Variants in PCM1 observed in about 807,000 individuals in gnomAD.
PCM1 encodes the protein pericentriolar material 1.
Under a neutral mutation model 241.9 loss-of-function variants are expected in PCM1, and 157 were observed. That is an observed-to-expected ratio of 0.65 (90% confidence interval 0.57 to 0.74). The LOEUF (loss-of-function observed/expected upper bound fraction) is 0.74. Among genes scored for constraint, PCM1 ranks in the 30% least tolerant of loss-of-function variants. The probability of loss-of-function intolerance (pLI) is 0.00; values close to 1 mark genes in which losing one functional copy is unlikely to be tolerated. For missense variants in PCM1, 3,478 were observed against 2,360.1 expected (o/e 1.47, Z -9.81); for synonymous variants, 1,085 against 784.9 (o/e 1.38, Z -6.39).
intron 2 of PCM1, chr8:17,927,014 A>G (rs959529556): frequency 6.6e-6 from 1 of 152,166 alleles, no homozygotes; most frequent in Non-Finnish European, 1.5e-5. Flanking sequence ...ACCATGCGCC[A>G]GTTACTGTCA....
chr8:18,026,984 G>T (rs1343064575), intron 38 of PCM1, among the ~76,000 whole-genome samples: 1 of 152,110 alleles, frequency 6.6e-6, no homozygotes, highest in African/African-American at 2.4e-5. Context: ...GATAGTCTCA[G>T]ATTTTCTGTA....
At chr8:17,983,338 A>G (rs1038152696) in intron 24 of PCM1, 3 of 1,157,072 alleles carry the variant, frequency 2.6e-6, no homozygotes, top group African/African-American at 1.6e-5. Flanking sequence ...ATTTTTTCCC[A>G]TTGGTCCTAA....
Position 18,010,650 on chromosome 8 carries a change from G to C in PCM1, c.5202G>C (p.Glu1734Asp). 1.2e-6 allele frequency: 2 copies of C among 1,602,216 alleles called. No individual in the cohort carries two copies. Among genetic ancestry groups the C allele is most frequent in the African/African-American group, 1.3e-5 (1 of 74,300 alleles). The change falls in exon 32 of 39, where the codon GAG (glutamate) becomes GAC (aspartate). Residue 1734 changes from glutamate to aspartate, a missense_variant. Physicochemically the swap from Glu to Asp is conservative, Grantham distance 45. Transcript: ENST00000325083. ...ILEDHGSPAG[E>D]IDDEDKDKDE... ...AAGATCATGGCTCACCTGCTGGAGA[G>C]ATTGATGATGAAGACAAAGTATGTG... is the stretch of plus-strand genomic sequence containing the variant.
Position 17,935,647 on chromosome 8 carries a change from A to G in PCM1, c.37A>G (p.Asn13Asp). Reference protein sequence around the residue: ...TGGGPFEDGMNDQDLPNWSNE... With the variant: ...TGGGPFEDGMDDQDLPNWSNE... ...AGGAGGTCCCTTTGAAGATGGCATG[A>G]ATGATCAGGATTTACCAAACTGGAG... The change falls in exon 3 of 39, where the codon AAT becomes GAT. Residue 13 changes from asparagine (N) to aspartate (D), a missense_variant. Transcript: ENST00000325083. 1 of 1,568,006 alleles carries G rather than the reference A, an allele frequency of 6.4e-7. No homozygotes were observed. The highest frequency in any genetic ancestry group is 8.8e-7 in the Non-Finnish European group (1 of 1,138,300).
chr8:18,017,193 T>G (rs940255878), intron 36 of PCM1, among the ~76,000 whole-genome samples: 35 of 152,154 alleles, frequency 2.3e-4, no homozygotes, highest in Admixed American at 2.3e-3. Flanking sequence ...CACAAAAGAT[T>G]GACTAGTCCA....
intron 6 of PCM1, chr8:17,940,180 A>C (rs947547789): frequency 1.6e-6 from 2 of 1,213,838 alleles, no homozygotes; most frequent in Non-Finnish European, 2.3e-6. Flanking sequence ...TTTGGTAATT[A>C]AAGTGCTGGA....
Position 18,029,339 on chromosome 8 carries a change from C to G in PCM1, c.*1677C>G. On this transcript the variant is annotated 3_prime_UTR_variant, in exon 39 of 39. Coordinates refer to ENST00000325083, the MANE Select transcript of PCM1 (RefSeq NM_006197.4). ...TTCAGAAAATTACCAATTCAGAATT[C>G]GGAGTTCTTATCCAGGTGCTCTAAC... The G allele has an allele frequency of 4.7e-6, 1 of 210,710 alleles. No homozygotes were observed. 13.1% of individuals were successfully genotyped at this position (210,710 alleles called of 1,614,324 possible). A position where few individuals can be genotyped will look rare whatever the true frequency, so the allele number is the denominator to read the frequency against.
At chr8:17,993,738 AC>A in intron 29 of PCM1, 119 bp downstream of exon 29, 1 of 817,864 alleles carries the variant, frequency 1.2e-6, no homozygotes, top group Non-Finnish European at 1.8e-6. Flanking sequence ...AAAAACTATC[AC>A]CCATAATTTT....
rs1338126157 is a variant in PCM1 at position 17,955,330 on chromosome 8, A to G, written c.1289-140A>G. 1.3e-5 allele frequency: 8 copies of G among 597,638 alleles called. No individual in the cohort carries two copies. In the South Asian group the frequency reaches 1.7e-4, roughly 13 times the overall value. 37.0% of individuals were successfully genotyped at this position (597,638 alleles called of 1,614,324 possible). ...GTTTAATTGTGGAGTAAGTTAATAA[A>G]CAATTTTCTGAAATTTAAATCTGCA... On this transcript the variant is annotated intron_variant, in intron 9 of 38. Coordinates refer to ENST00000325083, the MANE Select transcript of PCM1 (RefSeq NM_006197.4).
chr8:17,948,294 C>CT (rs550672840), intron 7 of PCM1, among the ~76,000 whole-genome samples: 1,533 of 64,008 alleles, frequency 0.024, 167 homozygotes, highest in South Asian at 0.036. Context: ...CAAATAACCT[C>CT]TTTTTTTTTT....
chr8:17,938,005 T>C (rs1283249204), intron 4 of PCM1, among the ~76,000 whole-genome samples: 1 of 152,198 alleles, frequency 6.6e-6, no homozygotes, highest in Non-Finnish European at 1.5e-5. Flanking sequence ...CTGAGCTGAA[T>C]ACTTTTTCAG....
chr8:17,956,563 A>T, intron 10 of PCM1, 41 bp from the exon 11 acceptor site: 1 of 1,266,856 alleles, frequency 7.9e-7, no homozygotes, highest in African/African-American at 1.5e-5. Flanking sequence ...TATTTTGCTA[A>T]AATGGGTGTA....
intron 33 of PCM1, 68 bp downstream of exon 33, chr8:18,011,434 G>A: frequency 2.3e-6 from 3 of 1,323,260 alleles, no homozygotes; most frequent in Non-Finnish European, 3.0e-6. Context: ...GGAACAGTTT[G>A]GTGGAGTGTA....
intron 23 of PCM1, among the ~76,000 whole-genome samples, chr8:17,979,741 TTTTAA>T (rs1476916385): frequency 6.6e-6 from 1 of 152,094 alleles, no homozygotes; most frequent in African/African-American, 2.4e-5. Context: ...TAATACATAC[TTTTAA>T]TTTGATTCCA....
rs761543092 is a variant in PCM1 at position 17,953,154 on chromosome 8, C to G, written c.1256C>G (p.Thr419Arg). 5.1e-6 allele frequency: 8 copies of G among 1,579,806 alleles called. No individual in the cohort carries two copies. Among genetic ancestry groups the G allele is most frequent in the Non-Finnish European group, 6.9e-6 (8 of 1,161,026 alleles). Residue 419 changes from threonine (T) to arginine (R), a missense_variant, in exon 9 of 39, where the codon ACA becomes AGA. By Grantham distance (71) the Thr-to-Arg change is moderately conservative. Coordinates refer to ENST00000325083, the MANE Select transcript of PCM1 (RefSeq NM_006197.4). ...KMDKLLGELHTLRDQHLNNSS... is the reference protein window; with the variant it reads ...KMDKLLGELHRLRDQHLNNSS... ...GACAAATTGCTTGGAGAACTTCATA[C>G]ACTTCGAGATCAGCATCTTAACAAT...
chr8:17,985,383 C>A, intron 24 of PCM1, 64 bp from the exon 25 acceptor site: 1 of 1,038,222 alleles, frequency 9.6e-7, no homozygotes. Flanking sequence ...ATGATACTAG[C>A]TAATAAAAGT....
At chr8:17,925,445 C>T (rs1233413419) in intron 2 of PCM1, 1 of 152,104 alleles carries the variant, frequency 6.6e-6, no homozygotes, top group South Asian at 2.1e-4. Flanking sequence ...TTGTTAAAAG[C>T]TTTTTAGAAA....
intron 7 of PCM1, 50 bp from the exon 8 acceptor site, chr8:17,950,565 A>G: frequency 1.1e-6 from 1 of 896,032 alleles, no homozygotes; most frequent in Non-Finnish European, 1.8e-6. Flanking sequence ...AGAGATTAAA[A>G]AAGGTGTTTG....
At chr8:18,025,007 T>G (rs2094075496) in intron 36 of PCM1, 1 of 167,390 alleles carries the variant, frequency 6.0e-6, no homozygotes, top group Non-Finnish European at 1.3e-5. Context: ...AGTTTGTAAG[T>G]GGTTACTTAC....
Sources: gnomAD v4.1 joint callset for allele counts (sites outside exome capture counted in the v4.1 genomes callset) on GRCh38, gnomAD v4.1.1 for gene constraint, MANE v1.5 for transcripts, NCBI Gene and HGNC (gene_info 2026-07-23, HGNC 2026-07-21) for gene names.